SEC23IP: variants seen among roughly 807,000 people sequenced by gnomAD.
The protein encoded by SEC23IP is SEC23-interacting protein.
SEC23IP carries 70 observed loss-of-function variants against 113.4 expected under a neutral mutation model. The ratio of observed to expected loss-of-function variants is 0.62; its 90% CI spans 0.51 to 0.75. The LOEUF is 0.75. SEC23IP is among the 30% of genes least tolerant of loss of function. The pLI, the probability that SEC23IP is intolerant of heterozygous loss-of-function variation, is 0.00. For synonymous variants in SEC23IP, 398 were observed against 421.0 expected (o/e 0.95, Z 0.67); for missense variants, 1,160 against 1,204.9 (o/e 0.96, Z 0.55).
chr10:119,938,036 GC>G (rs1372044186), intron 18 of SEC23IP, among the ~76,000 whole-genome samples: 1 of 151,620 alleles, frequency 6.6e-6, no homozygotes, highest in African/African-American at 2.4e-5. Flanking sequence ...TGGTGCAGTG[GC>G]TCATACCTGT....
chr10:119,917,787 A>G lies in SEC23IP; in HGVS notation c.1545-49A>G, dbSNP rs755294412. ...ATCTAAACTTTAAAAAAATCTGTAA[A>G]TTTAAGGTAGATGCTGACTGAATGT... On this transcript the variant is annotated intron_variant, in intron 8 of 18. Transcript: ENST00000369075. 4.2e-6 allele frequency: 6 copies of G among 1,432,448 alleles called. No individual in the cohort carries two copies. In the Admixed American group the frequency reaches 5.7e-5, roughly 14 times the overall value. 88.7% of individuals were successfully genotyped at this position (1,432,448 alleles called of 1,614,324 possible). A position where few individuals can be genotyped will look rare whatever the true frequency, so the allele number is the denominator to read the frequency against.
chr10:119,928,044 G>GA (rs1186336398), intron 13 of SEC23IP, among the ~76,000 whole-genome samples: 5 of 152,110 alleles, frequency 3.3e-5, no homozygotes, highest in African/African-American at 1.2e-4. Context: ...CTATTGTAAA[G>GA]AATTAATTTT....
chr10:119,914,714 A>G lies in SEC23IP; in HGVS notation c.1313-16A>G. 6.2e-7 allele frequency: 1 copy of G among 1,609,608 alleles called. No homozygotes were observed. The highest frequency in any genetic ancestry group is 8.5e-7 in the Non-Finnish European group (1 of 1,177,312). ...ATTCCCATCTTTTATGTAGGTTTAA[A>G]AATTTTTTTTGATAGGGGAGATGCC... On this transcript the variant is annotated splice_polypyrimidine_tract_variant and intron_variant, in intron 6 of 18. Coordinates refer to ENST00000369075, the MANE Select transcript of SEC23IP (RefSeq NM_007190.4).
rs370450206 is a variant in SEC23IP, at chr10:119,904,191, G to A, written c.1015G>A (p.Glu339Lys). The change falls in exon 4 of 19, where the codon GAA becomes AAA. Residue 339 changes from glutamate (E) to lysine (K), a missense_variant. Transcript: ENST00000369075. The part of the protein sequence containing the change: ...KAAYWEEEPA[E>K]VRRCTWFYKG... ...TGCCTACTGGGAAGAGGAGCCAGCC[G>A]AAGTGAGACGCTGTACTTGGTTTTA... The A allele has an allele frequency of 2.4e-5, 39 of 1,614,080 alleles. No homozygotes were observed. Among genetic ancestry groups the A allele is most frequent in the South Asian group, 9.9e-5 (9 of 91,080 alleles).
intron 7 of SEC23IP, among the ~76,000 whole-genome samples, 166 bp from the exon 8 acceptor site, chr10:119,915,582 T>C (rs1018589191): frequency 2.6e-5 from 4 of 152,218 alleles, no homozygotes; most frequent in African/African-American, 4.8e-5. Flanking sequence ...AAGTTACTTA[T>C]TCCTTTCTTT....
At chr10:119,917,269 G>A (rs1196587115) in intron 8 of SEC23IP, among the ~76,000 whole-genome samples, 7 of 151,812 alleles carry the variant, frequency 4.6e-5, no homozygotes, top group African/African-American at 1.5e-4. Flanking sequence ...GCACAATCTC[G>A]GCTCACTGCA....
intron 12 of SEC23IP, among the ~76,000 whole-genome samples, chr10:119,921,532 A>G (rs1366218934): frequency 6.6e-6 from 1 of 152,220 alleles, no homozygotes; most frequent in African/African-American, 2.4e-5. Context: ...AGCATGAAAT[A>G]ATGCATGCAA....
Position 119,898,606 on chromosome 10 carries a change from A to G in SEC23IP, c.343A>G (p.Lys115Glu). 2 of 1,614,214 alleles carry G rather than the reference A, an allele frequency of 1.2e-6. No homozygotes were observed. Among genetic ancestry groups the G allele is most frequent in the Non-Finnish European group, 8.5e-7 (1 of 1,180,044 alleles). The change falls in exon 2 of 19, where the codon AAG becomes GAG. Residue 115 changes from lysine to glutamate, a missense_variant. Coordinates refer to ENST00000369075, the MANE Select transcript of SEC23IP (RefSeq NM_007190.4). ...CTCAGTTGGACAATCAGGATTCCCCAAGCCCCTGACTGCTCTCCCTTTTAC... is the reference window on the plus strand; with the variant it reads ...CTCAGTTGGACAATCAGGATTCCCCGAGCCCCTGACTGCTCTCCCTTTTAC... ...ATSVGQSGFPKPLTALPFTTG... is the reference protein window; with the variant it reads ...ATSVGQSGFPEPLTALPFTTG...
At chr10:119,933,246 T>A in intron 17 of SEC23IP, 79 bp downstream of exon 17, 1 of 1,093,414 alleles carries the variant, frequency 9.1e-7, no homozygotes, top group Non-Finnish European at 1.4e-6. Flanking sequence ...TTAGTGAGAT[T>A]CTTTTACTGA....
intron 18 of SEC23IP, among the ~76,000 whole-genome samples, chr10:119,939,756 C>T (rs550018332): frequency 3.9e-5 from 6 of 152,270 alleles, no homozygotes; most frequent in South Asian, 2.1e-4. Context: ...AGTGCAGTGG[C>T]GCAATCTTGG....
intron 16 of SEC23IP, among the ~76,000 whole-genome samples, 175 bp downstream of exon 16, chr10:119,932,493 T>C (rs1855638494): frequency 6.6e-6 from 1 of 152,372 alleles, no homozygotes; most frequent in South Asian, 2.1e-4. Context: ...TCAAAATCCA[T>C]GCCATCTTTT....
chr10:119,896,034 T>C (rs947565948), intron 1 of SEC23IP, among the ~76,000 whole-genome samples: 2 of 152,178 alleles, frequency 1.3e-5, no homozygotes, highest in African/African-American at 4.8e-5. Context: ...CGCACTGGAA[T>C]AAGGTTGACT....
chr10:119,934,382 A>G (rs925777589), intron 18 of SEC23IP, among the ~76,000 whole-genome samples: 20 of 152,372 alleles, frequency 1.3e-4, no homozygotes, highest in African/African-American at 4.3e-4. Flanking sequence ...CTAATGTCCA[A>G]TATCTCCAGT....
rs1219866420 is a variant in SEC23IP at position 119,942,501 on chromosome 10, C to T, written c.*1936C>T. On this transcript the variant is annotated 3_prime_UTR_variant, in exon 19 of 19. Coordinates refer to ENST00000369075, the MANE Select transcript of SEC23IP (RefSeq NM_007190.4). ...TCAGTCTATAAACTAGGTGAGAATCCAGCTGCTGAGTGAAGCTTGATCTCT... is the reference window on the plus strand; with the variant it reads ...TCAGTCTATAAACTAGGTGAGAATCTAGCTGCTGAGTGAAGCTTGATCTCT... The T allele has an allele frequency of 6.6e-6, 1 of 152,074 alleles. No homozygotes were observed. The highest frequency in any genetic ancestry group is 1.5e-5 in the Non-Finnish European group (1 of 68,012). 9.4% of individuals were successfully genotyped at this position (152,074 alleles called of 1,614,324 possible).
At chr10:119,923,261 A>G (rs1355532232) in intron 12 of SEC23IP, among the ~76,000 whole-genome samples, 4 of 152,052 alleles carry the variant, frequency 2.6e-5, no homozygotes, top group Non-Finnish European at 1.5e-5. Flanking sequence ...CCTTTGGATG[A>G]ACCATGAAAC....
chr10:119,900,819 T>C lies in SEC23IP; in HGVS notation c.696+1860T>C, dbSNP rs190036340. ...GTCTAGTCTGATTTTAAAATCGTTT[T>C]TGTAGAAAATTTGAAAAATGCAGAA... On this transcript the variant is annotated intron_variant, in intron 2 of 18. Transcript: ENST00000369075. 1.9e-3 allele frequency among the ~76,000 whole-genome samples: 289 copies of C among 152,238 alleles called. 1 individual carries two copies. The highest frequency in any genetic ancestry group is 6.7e-3 in the African/African-American group (277 of 41,532).
At chr10:119,912,534 A>G (rs1438227903) in intron 6 of SEC23IP, among the ~76,000 whole-genome samples, 1 of 152,180 alleles carries the variant, frequency 6.6e-6, no homozygotes, top group South Asian at 2.1e-4. Context: ...AGAATGTGTA[A>G]TGATGAAATT....
intron 18 of SEC23IP, among the ~76,000 whole-genome samples, chr10:119,934,700 A>G (rs1855718025): frequency 6.6e-6 from 1 of 152,346 alleles, no homozygotes; most frequent in East Asian, 1.9e-4. Context: ...TTGGTTTTCT[A>G]ATAGTAAGTG....
At position 119,929,082 on chromosome 10, in the gene SEC23IP, G is replaced by A. The variant is rs530336591; in HGVS notation, c.2314-525G>A. ...TGAAACCATGATTCAGACCCAGGCA[G>A]TTTGAGTTTAGAAGTCTAAAGTTTT... is the stretch of plus-strand genomic sequence containing the variant. On this transcript the variant is annotated intron_variant, in intron 13 of 18. Transcript: ENST00000369075. 6.3e-4 allele frequency among the ~76,000 whole-genome samples: 96 copies of A among 152,312 alleles called. 1 individual carries two copies. In the South Asian group the frequency reaches 0.013, roughly 20 times the overall value.
Sources: gnomAD v4.1 joint callset for allele counts (sites outside exome capture counted in the v4.1 genomes callset) on GRCh38, gnomAD v4.1.1 for gene constraint, MANE v1.5 for transcripts, NCBI Gene and HGNC (gene_info 2026-07-23, HGNC 2026-07-21) for gene names.